Variants in ATP6V1E1 observed in about 807,000 individuals in gnomAD.
The protein encoded by ATP6V1E1 is V-type proton ATPase subunit E 1.
A neutral mutation model predicts 35.2 loss-of-function variants in ATP6V1E1; 21 were observed. The observed-to-expected ratio is 0.60, with a 90% confidence interval of 0.42 to 0.86. The LOEUF (loss-of-function observed/expected upper bound fraction) is 0.86, where lower values mean the gene tolerates loss of function less well. Among genes scored for constraint, ATP6V1E1 ranks in the 40% least tolerant of loss-of-function variants. ATP6V1E1 has a pLI of 0.00. For synonymous variants in ATP6V1E1, 83 were observed against 87.8 expected, an observed-to-expected ratio of 0.95 and a Z score of 0.30; for missense variants, 183 against 272.6, an observed-to-expected ratio of 0.67 and a Z score of 2.32.
intron 7 of ATP6V1E1, among the ~76,000 whole-genome samples, chr22:17,596,087 G>C (rs947801938): frequency 1.4e-5 from 2 of 147,856 alleles, no homozygotes; most frequent in African/African-American, 5.0e-5. Context: ...AGCCGAGGTC[G>C]TGCCACTGCA....
intron 8 of ATP6V1E1, among the ~76,000 whole-genome samples, chr22:17,593,589 CG>C (rs2146292823): frequency 6.6e-6 from 1 of 152,204 alleles, no homozygotes; most frequent in South Asian, 2.1e-4. Flanking sequence ...ATTAAATATC[CG>C]TAAGTGAGTA....
At chr22:17,605,609 A>G (rs919404119) in intron 4 of ATP6V1E1, among the ~76,000 whole-genome samples, 6 of 151,504 alleles carry the variant, frequency 4.0e-5, no homozygotes, top group African/African-American at 1.2e-4. Context: ...TTCACTCAAC[A>G]CTCATTTTGT....
rs572217351 is a variant in ATP6V1E1, at chr22:17,606,793, C to T, written c.277-5612G>A. Among the ~76,000 whole-genome samples, 5 of 152,320 alleles carry T rather than the reference C, an allele frequency of 3.3e-5. No individual in the cohort carries two copies. The South Asian group carries it at 1.0e-3, about 32-fold the overall frequency. On this transcript the variant is annotated intron_variant, in intron 4 of 8. Transcript: ENST00000253413. Reference sequence around the variant, plus strand: ...CTCTGGCAAATGTGAAAAACGACATCTTGACTGCCAAATCCAAAGACCACC... The same window carrying T: ...CTCTGGCAAATGTGAAAAACGACATTTTGACTGCCAAATCCAAAGACCACC...
At chr22:17,618,260 T>C (rs1418846147) in intron 2 of ATP6V1E1, among the ~76,000 whole-genome samples, 1 of 152,214 alleles carries the variant, frequency 6.6e-6, no homozygotes, top group African/African-American at 2.4e-5. Flanking sequence ...ACATTACTTT[T>C]CTACCCTCTA....
chr22:17,615,581 T>C (rs1307366397), intron 2 of ATP6V1E1, among the ~76,000 whole-genome samples: 2 of 151,994 alleles, frequency 1.3e-5, no homozygotes, highest in African/African-American at 4.8e-5. Flanking sequence ...AGGCAGAGGT[T>C]AGAGTGAGCA....
At chr22:17,601,468 G>A (rs1007351187) in intron 4 of ATP6V1E1, among the ~76,000 whole-genome samples, 6 of 152,036 alleles carry the variant, frequency 3.9e-5, no homozygotes, top group East Asian at 1.9e-4. Flanking sequence ...AGATGCGCGC[G>A]ATGTAACTTT....
chr22:17,613,363 T>G (rs1411822413), intron 2 of ATP6V1E1, 43 bp from the exon 3 acceptor site: 1 of 1,549,536 alleles, frequency 6.5e-7, no homozygotes, highest in East Asian at 2.2e-5. Context: ...CATCAAGTTT[T>G]GATTAACAGT....
intron 8 of ATP6V1E1, among the ~76,000 whole-genome samples, chr22:17,594,082 A>G (rs527955060): frequency 4.6e-5 from 7 of 152,230 alleles, no homozygotes; most frequent in South Asian, 4.1e-4. Context: ...GGTGCCTGTA[A>G]TCCCAGCTAC....
chr22:17,612,954 A>C (rs1030448794), intron 3 of ATP6V1E1, 76 bp from the exon 4 acceptor site: 2 of 1,393,374 alleles, frequency 1.4e-6, no homozygotes, highest in African/African-American at 2.9e-5. Flanking sequence ...CCTGGGCTCA[A>C]GCAATCCTCC....
In ATP6V1E1 at chr22:17,613,153, G is replaced by A. The variant is rs73876477; in HGVS notation, c.209+58C>T. The A allele has an allele frequency of 1.8e-3, 2,546 of 1,448,840 alleles. 29 individuals are homozygous for A. In the African/African-American group the frequency reaches 0.027, roughly 15 times the overall value. 89.7% of individuals were successfully genotyped at this position (1,448,840 alleles called of 1,614,324 possible). A position where few individuals can be genotyped will look rare whatever the true frequency, so the allele number is the denominator to read the frequency against. Reference sequence around the variant, plus strand: ...ATTTATATATGCCTGACTCCAAAGCGCCTGCTCATGACTTCAGAAAACTTC... The same window carrying A: ...ATTTATATATGCCTGACTCCAAAGCACCTGCTCATGACTTCAGAAAACTTC... On this transcript the variant is annotated intron_variant, in intron 3 of 8. Coordinates refer to ENST00000253413, the MANE Select transcript of ATP6V1E1 (RefSeq NM_001696.4).
chr22:17,609,195 C>CT (rs1222827280), intron 4 of ATP6V1E1, among the ~76,000 whole-genome samples: 1 of 151,984 alleles, frequency 6.6e-6, no homozygotes, highest in Non-Finnish European at 1.5e-5. Context: ...GAGTCTCACT[C>CT]TGTCGCCCAG....
chr22:17,624,548 T>C (rs1375556755), intron 1 of ATP6V1E1, among the ~76,000 whole-genome samples: 1 of 144,052 alleles, frequency 6.9e-6, no homozygotes, highest in Non-Finnish European at 1.5e-5. Flanking sequence ...AGCGAGACTG[T>C]CTCAAAAAAA....
At chr22:17,628,557 C>T (rs752221465) in intron 1 of ATP6V1E1, 46 bp downstream of exon 1, 1 of 1,613,580 alleles carries the variant, frequency 6.2e-7, no homozygotes, top group African/African-American at 1.3e-5. Flanking sequence ...AGCCCACTCC[C>T]CGGGACTGCC....
At position 17,619,428 on chromosome 22, in the gene ATP6V1E1, G is replaced by A; in HGVS notation, c.99+33C>T. 5 of 1,561,068 alleles carry A rather than the reference G, an allele frequency of 3.2e-6. No homozygotes were observed. In the South Asian group the frequency reaches 5.8e-5, roughly 18 times the overall value. Reference sequence around the variant, plus strand: ...CAAAGCAAAACAATATGGAAACCTTGATAACTTCTTAAAACTAGAAAATGA... The same window carrying A: ...CAAAGCAAAACAATATGGAAACCTTAATAACTTCTTAAAACTAGAAAATGA... On this transcript the variant is annotated intron_variant, in intron 2 of 8. Coordinates refer to ENST00000253413, the MANE Select transcript of ATP6V1E1 (RefSeq NM_001696.4).
In ATP6V1E1 at chr22:17,592,731, C is replaced by A; in HGVS notation, c.624G>T (p.Met208Ile). The A allele has an allele frequency of 6.2e-7, 1 of 1,613,344 alleles. No individual in the cohort carries two copies. The highest frequency in any genetic ancestry group is 8.5e-7 in the Non-Finnish European group (1 of 1,179,584). ...CAAACAAGGCTCCCCGGACTTCTGGCATCATCTGTGGAGAGAAAGTGTAAT... is the reference window on the plus strand; with the variant it reads ...CAAACAAGGCTCCCCGGACTTCTGGAATCATCTGTGGAGAGAAAGTGTAAT... The part of the protein sequence containing the change: ...SRLDLIAQQM[M>I]PEVRGALFGA... The change falls in exon 9 of 9, where the codon ATG (methionine) becomes ATT (isoleucine). Residue 208 changes from methionine to isoleucine, a missense_variant. Coordinates refer to ENST00000253413, the MANE Select transcript of ATP6V1E1 (RefSeq NM_001696.4).
chr22:17,596,231 A>C (rs1443785720), intron 7 of ATP6V1E1, among the ~76,000 whole-genome samples: 2 of 152,196 alleles, frequency 1.3e-5, no homozygotes, highest in Non-Finnish European at 2.9e-5. Flanking sequence ...CTATGGTTTG[A>C]GTCTGTTCCC....
At chr22:17,616,289 G>A (rs7289867) in intron 2 of ATP6V1E1, among the ~76,000 whole-genome samples, 83,303 of 151,774 alleles carry the variant, frequency 0.55, 24,437 homozygotes, top group African/African-American at 0.76. Context: ...TGGGGGTTGT[G>A]GTGAGCCGAC....
At chr22:17,600,966 A>T in intron 5 of ATP6V1E1, 126 bp downstream of exon 5, 1 of 774,046 alleles carries the variant, frequency 1.3e-6, no homozygotes, top group Admixed American at 2.6e-5. Context: ...AAAAGAAAAA[A>T]AAAGGGTGAA....
At chr22:17,624,616 C>T (rs557113722) in intron 1 of ATP6V1E1, among the ~76,000 whole-genome samples, 1 of 152,094 alleles carries the variant, frequency 6.6e-6, no homozygotes, top group South Asian at 2.1e-4. Flanking sequence ...TTCGGAGGTT[C>T]AAGACCAGCC....
Sources: allele counts gnomAD v4.1 joint callset (sites outside exome capture counted in the v4.1 genomes callset), GRCh38; gene constraint gnomAD v4.1.1; transcripts MANE v1.5; gene names NCBI Gene and HGNC (gene_info 2026-07-23, HGNC 2026-07-21).